The following PARD3B variants were observed in gnomAD, a reference collection of about 807,000 sequenced individuals.
PARD3B encodes the protein par-3 family cell polarity regulator beta.
In PARD3B, 103 loss-of-function variants were observed where a neutral mutation model predicts 130.2. The observed-to-expected ratio is 0.79, with a 90% CI of 0.67 to 0.93. PARD3B has a LOEUF of 0.93. PARD3B is among the 40% of genes least tolerant of loss of function. PARD3B has a pLI of 0.00. For missense variants in PARD3B, 1,609 were observed against 1,499.2 expected (o/e 1.07, Z -1.21); for synonymous variants, 583 against 553.2 (o/e 1.05, Z -0.76).
chr2:205,535,076 T>A (rs2051785234), intron 21 of PARD3B, among the ~76,000 whole-genome samples: 1 of 152,184 alleles, frequency 6.6e-6, no homozygotes, highest in Admixed American at 6.5e-5. Context: ...TAGCTCTACA[T>A]CTACTGTGTA....
At chr2:204,582,881 G>T (rs1156624343) in intron 1 of PARD3B, among the ~76,000 whole-genome samples, 1 of 152,184 alleles carries the variant, frequency 6.6e-6, no homozygotes, top group Non-Finnish European at 1.5e-5. Flanking sequence ...CTGATGGCCA[G>T]TGATGATGAG....
At chr2:204,798,941 C>A (rs73982529) in intron 2 of PARD3B, among the ~76,000 whole-genome samples, 1,832 of 151,904 alleles carry the variant, frequency 0.012, 38 homozygotes, top group African/African-American at 0.042. Context: ...TCAGGTGTAG[C>A]CCAGCGCATT....
At chr2:205,559,191 G>A (rs1413411387) in intron 22 of PARD3B, among the ~76,000 whole-genome samples, 3 of 152,160 alleles carry the variant, frequency 2.0e-5, no homozygotes, top group Admixed American at 1.3e-4. Context: ...TGTTGCCCAC[G>A]TTGGAGTACA....
chr2:205,400,604 T>C (rs1189183116), intron 18 of PARD3B, among the ~76,000 whole-genome samples: 3 of 151,612 alleles, frequency 2.0e-5, no homozygotes, highest in Non-Finnish European at 4.4e-5. Flanking sequence ...ATCACACCAC[T>C]GCACCTCAGT....
chr2:204,955,383 G>C (rs1690146563), intron 2 of PARD3B, among the ~76,000 whole-genome samples: 1 of 152,236 alleles, frequency 6.6e-6, no homozygotes, highest in Non-Finnish European at 1.5e-5. Context: ...TGAACCTCAA[G>C]GATGGATGGA....
chr2:205,482,961 C>G (rs765174324), intron 20 of PARD3B, among the ~76,000 whole-genome samples: 1 of 152,064 alleles, frequency 6.6e-6, no homozygotes, highest in Non-Finnish European at 1.5e-5. Flanking sequence ...GTCCTCCCAG[C>G]TGTGAGCGGC....
Position 205,499,940 on chromosome 2 carries a change from G to A in PARD3B, c.3089G>A (p.Arg1030Gln), listed in dbSNP as rs375059681. 6.5e-5 allele frequency: 105 copies of A among 1,613,726 alleles called. No individual in the cohort carries two copies. Among genetic ancestry groups the A allele is most frequent in the South Asian group, 4.6e-4 (42 of 91,042 alleles). The change falls in exon 21 of 23, where the codon CGG (arginine) becomes CAG (glutamine). Residue 1030 changes from arginine to glutamine, a missense_variant. Physicochemically the swap from Arg to Gln is conservative, Grantham distance 43. Coordinates refer to ENST00000406610, the MANE Select transcript of PARD3B (RefSeq NM_001302769.2). ...AGCACTGACCGTATCCAGAAGTTGC[G>A]GAAAGAGTATTATCAGGCTCGGAGG... ...GGSTDRIQKLRKEYYQARREG... is the reference protein window; with the variant it reads ...GGSTDRIQKLQKEYYQARREG...
At chr2:204,630,193 GTTT>G (rs1323646995) in intron 1 of PARD3B, among the ~76,000 whole-genome samples, 2 of 152,026 alleles carry the variant, frequency 1.3e-5, no homozygotes, top group African/African-American at 4.8e-5. Flanking sequence ...ATCCAAACTG[GTTT>G]TTATTACCAT....
chr2:205,177,389 A>G (rs1559512646), intron 13 of PARD3B, among the ~76,000 whole-genome samples: 1 of 152,350 alleles, frequency 6.6e-6, no homozygotes, highest in East Asian at 1.9e-4. Flanking sequence ...TTTTATACAA[A>G]AAATGAAATA....
chr2:205,509,948 G>T (rs868506441), intron 21 of PARD3B, among the ~76,000 whole-genome samples: 4 of 152,196 alleles, frequency 2.6e-5, no homozygotes, highest in East Asian at 3.9e-4. Flanking sequence ...TTAAAAATCT[G>T]CCCTGATAAG....
intron 11 of PARD3B, among the ~76,000 whole-genome samples, chr2:205,168,659 C>CTT (rs541871516): frequency 9.8e-5 from 13 of 133,032 alleles, no homozygotes; most frequent in African/African-American, 1.6e-4. Flanking sequence ...GGTAGACAGC[C>CTT]TTTTTTTTTT....
At chr2:205,129,516 A>G (rs181797289) in intron 10 of PARD3B, among the ~76,000 whole-genome samples, 1 of 152,346 alleles carries the variant, frequency 6.6e-6, no homozygotes, top group East Asian at 1.9e-4. Context: ...TGATTGATGT[A>G]CACACTTGAC....
In PARD3B at chr2:205,260,865, TG is replaced by T. The variant is rs773865824; in HGVS notation, c.2185+15044del. Among the ~76,000 whole-genome samples the T allele has an allele frequency of 4.8e-4, 73 of 151,800 alleles. 1 individual carries two copies. Among genetic ancestry groups the T allele is most frequent in the Middle Eastern group, 3.4e-3 (1 of 290 alleles). ...TTTCAGCCCAGTCTTCTACTAAAGT[TG>T]TAGGCCCCTTGAGGGTCACTGCTTT... On this transcript the variant is annotated intron_variant, in intron 16 of 22. Coordinates refer to ENST00000406610, the MANE Select transcript of PARD3B (RefSeq NM_001302769.2).
chr2:205,599,167 G>A (rs1420661112), intron 22 of PARD3B, among the ~76,000 whole-genome samples: 1 of 152,056 alleles, frequency 6.6e-6, no homozygotes. Context: ...TCAACAGAAA[G>A]TGAACCCAGA....
intron 18 of PARD3B, among the ~76,000 whole-genome samples, chr2:205,315,047 TACTA>T: frequency 6.6e-6 from 1 of 152,346 alleles, no homozygotes; most frequent in South Asian, 2.1e-4. Context: ...TGCAATAACT[TACTA>T]ACTGATTTGC....
intron 1 of PARD3B, among the ~76,000 whole-genome samples, chr2:204,548,278 C>A (rs547556808): frequency 6.6e-6 from 1 of 152,162 alleles, no homozygotes; most frequent in Admixed American, 6.5e-5. Flanking sequence ...GTAGTAAATT[C>A]ACTTTCTGTA....
At chr2:205,124,536 G>T in intron 9 of PARD3B, 70 bp downstream of exon 9, 3 of 1,139,608 alleles carry the variant, frequency 2.6e-6, no homozygotes, top group South Asian at 2.5e-5. Flanking sequence ...TAATTGCATT[G>T]AAATATATGT....
intron 21 of PARD3B, among the ~76,000 whole-genome samples, chr2:205,515,207 C>A (rs187260717): frequency 4.7e-4 from 71 of 152,014 alleles, no homozygotes; most frequent in Non-Finnish European, 7.5e-4. Context: ...GTATTCCATG[C>A]TGTATATGTG....
intron 1 of PARD3B, 79 bp downstream of exon 1, chr2:204,546,198 G>A (rs1195345717): frequency 6.5e-6 from 10 of 1,534,792 alleles, no homozygotes; most frequent in Non-Finnish European, 8.8e-6. Flanking sequence ...ACACTCAGGG[G>A]ATGCAGAAAA....
Sources: gnomAD v4.1 joint callset for allele counts (sites outside exome capture counted in the v4.1 genomes callset) on GRCh38, gnomAD v4.1.1 for gene constraint, MANE v1.5 for transcripts, NCBI Gene and HGNC (gene_info 2026-07-23, HGNC 2026-07-21) for gene names.